The following FER1L6 variants were observed in gnomAD, a reference collection of about 807,000 sequenced individuals.
FER1L6 encodes the protein fer-1 like family member 6.
FER1L6 carries 177 observed loss-of-function variants against 219.2 expected under a neutral mutation model. The observed-to-expected ratio is 0.81, with a 90% CI of 0.71 to 0.91. The LOEUF is 0.91. Among genes scored for constraint, FER1L6 ranks in the 40% least tolerant of loss-of-function variants. The probability of loss-of-function intolerance (pLI) is 0.00; values close to 1 mark genes in which losing one functional copy is unlikely to be tolerated. For missense variants in FER1L6, 2,153 were observed against 2,259.9 expected (o/e 0.95, Z 0.96); for synonymous variants, 768 against 824.3 (o/e 0.93, Z 1.17).
chr8:123,957,667 G>C (rs1815081955), intron 2 of FER1L6, among the ~76,000 whole-genome samples: 1 of 152,116 alleles, frequency 6.6e-6, no homozygotes, highest in Non-Finnish European at 1.5e-5. Context: ...TCTTACATCA[G>C]AGCCTGGGTT....
At chr8:123,992,298 G>A (rs1370830627) in intron 12 of FER1L6, among the ~76,000 whole-genome samples, 1 of 152,002 alleles carries the variant, frequency 6.6e-6, no homozygotes, top group African/African-American at 2.4e-5. Flanking sequence ...ATGAATGTCT[G>A]GTAGAATTCA....
At chr8:124,080,238 A>C (rs1239232022) in intron 32 of FER1L6, among the ~76,000 whole-genome samples, 4 of 152,064 alleles carry the variant, frequency 2.6e-5, no homozygotes, top group African/African-American at 9.7e-5. Context: ...GCATCTAGGG[A>C]TAGTACCTCA....
intron 30 of FER1L6, among the ~76,000 whole-genome samples, chr8:124,071,242 G>A (rs12542273): frequency 0.26 from 39,105 of 152,112 alleles, 5,691 homozygotes; most frequent in Non-Finnish European, 0.32. Flanking sequence ...AAGGCACTTC[G>A]TGTCCCATCT....
intron 12 of FER1L6, among the ~76,000 whole-genome samples, chr8:124,000,011 C>G (rs550657101): frequency 1.3e-5 from 2 of 152,256 alleles, no homozygotes; most frequent in East Asian, 3.9e-4. Flanking sequence ...TATTTAGGAC[C>G]ACAGAGCACC....
Position 124,066,481 on chromosome 8 carries a change from A to C in FER1L6, c.3609A>C (p.Ala1203=), listed in dbSNP as rs1387283827. ...CTAAGAGGAGAAAGAGGACCATAGC[A>C]GATGAATCTGCTGAAAACGTGATTG... is the stretch of plus-strand genomic sequence containing the variant. ...RSTKRRKRTI[A]DESAENVIDW... Residue 1203 remains alanine (A), a synonymous_variant, in exon 27 of 41, where the codon GCA becomes GCC. Coordinates refer to ENST00000522917, the MANE Select transcript of FER1L6 (RefSeq NM_001039112.2). 1 of 1,614,138 alleles carries C rather than the reference A, an allele frequency of 6.2e-7. No individual in the cohort carries two copies. The highest frequency in any genetic ancestry group is 8.5e-7 in the Non-Finnish European group (1 of 1,179,976).
chr8:124,014,121 G>A (rs1232932465), intron 15 of FER1L6, among the ~76,000 whole-genome samples: 1 of 152,152 alleles, frequency 6.6e-6, no homozygotes, highest in Non-Finnish European at 1.5e-5. Context: ...AACGTGCACA[G>A]GGGAGAATCA....
chr8:123,926,855 A>G (rs1460254934), intron 1 of FER1L6, among the ~76,000 whole-genome samples: 1 of 152,200 alleles, frequency 6.6e-6, no homozygotes, highest in Admixed American at 6.5e-5. Flanking sequence ...ACTATGAAAT[A>G]TTATCTTAGA....
intron 1 of FER1L6, among the ~76,000 whole-genome samples, chr8:123,939,660 G>C (rs1415526329): frequency 6.6e-6 from 1 of 152,198 alleles, no homozygotes; most frequent in East Asian, 1.9e-4. Flanking sequence ...GAAGGGACTT[G>C]AGTTAGTTTG....
chr8:124,083,921 G>GT (rs1586311870), intron 33 of FER1L6, among the ~76,000 whole-genome samples: 2 of 152,054 alleles, frequency 1.3e-5, no homozygotes, highest in African/African-American at 2.4e-5. Context: ...TATGTCTGTG[G>GT]TTTTTTGTAT....
At position 124,013,500 on chromosome 8, in the gene FER1L6, ACAGTGCT is replaced by A. The variant is rs1563743582; in HGVS notation, c.1897_1903del (p.Leu633ThrfsTer20). 1 of 1,610,616 alleles carries A rather than the reference ACAGTGCT, an allele frequency of 6.2e-7. No individual in the cohort carries two copies. ...GGAGGCACCTGAAGAGAAAATGAAA[ACAGTGCT>A]CAGTGACTTCATCAGTCGGAGCAGG... On this transcript the variant is annotated frameshift_variant, in exon 15 of 41. Transcript: ENST00000522917. LOFTEE classifies it high-confidence loss of function.
intron 1 of FER1L6, among the ~76,000 whole-genome samples, chr8:123,897,141 A>G (rs1812760631): frequency 6.6e-6 from 1 of 152,110 alleles, no homozygotes; most frequent in Non-Finnish European, 1.5e-5. Flanking sequence ...CCCCTCCACA[A>G]CTGCCACTGC....
At chr8:124,021,903 C>T (rs897597048) in intron 17 of FER1L6, among the ~76,000 whole-genome samples, 20 of 152,004 alleles carry the variant, frequency 1.3e-4, no homozygotes, top group Admixed American at 6.6e-4. Context: ...AAGGCACATT[C>T]GCTAATGGGC....
chr8:124,067,846 GC>G (rs1820891475), intron 28 of FER1L6, 40 bp downstream of exon 28: 2 of 1,553,522 alleles, frequency 1.3e-6, no homozygotes, highest in Non-Finnish European at 1.8e-6. Flanking sequence ...ATAGAATAGG[GC>G]CATCGTTACG....
At chr8:123,953,748 G>A (rs986016082) in intron 1 of FER1L6, among the ~76,000 whole-genome samples, 4 of 152,158 alleles carry the variant, frequency 2.6e-5, no homozygotes, top group African/African-American at 9.7e-5. Context: ...AGCCTCCAGA[G>A]CCCAATGGCC....
intron 5 of FER1L6, among the ~76,000 whole-genome samples, chr8:123,969,419 C>G (rs2130245483): frequency 6.6e-6 from 1 of 151,896 alleles, no homozygotes; most frequent in South Asian, 2.1e-4. Context: ...ACCATTTTCA[C>G]TCATAATTAT....
In FER1L6 at chr8:124,049,817, A is replaced by G. The variant is rs1264357788; in HGVS notation, c.2874+61A>G. ...TCTACCTGGCCAGAGAAGTGGCCTC[A>G]CCACAAATGCCACTTCAATGAAGCT... On this transcript the variant is annotated intron_variant, in intron 22 of 40. Coordinates refer to ENST00000522917, the MANE Select transcript of FER1L6 (RefSeq NM_001039112.2). 5 of 1,524,698 alleles carry G rather than the reference A, an allele frequency of 3.3e-6. No individual in the cohort carries two copies. In the East Asian group the frequency reaches 1.1e-4, roughly 34 times the overall value. The allele number at this position is 1,524,698 out of a possible 1,614,324, so 94.4% of individuals were successfully genotyped here. A position where few individuals can be genotyped will look rare whatever the true frequency, so the allele number is the denominator to read the frequency against.
rs561653913 is a variant in FER1L6 at position 123,897,851 on chromosome 8, T to A, written c.-8+45666T>A. The stretch of plus-strand genomic sequence containing the variant: ...TTGGCAAAGTTTGCCTGTAAAAGCA[T>A]CAGAAAATCAATATGTTAGGCTTTA... On this transcript the variant is annotated intron_variant, in intron 1 of 40. Coordinates refer to ENST00000522917, the MANE Select transcript of FER1L6 (RefSeq NM_001039112.2). Among the ~76,000 whole-genome samples the A allele has an allele frequency of 7.2e-5, 11 of 152,290 alleles. 1 individual carries two copies. The highest frequency in any genetic ancestry group is 2.6e-4 in the African/African-American group (11 of 41,556).
rs905352745 is a variant in FER1L6 at position 124,066,653 on chromosome 8, C to A, written c.3678+103C>A. On this transcript the variant is annotated intron_variant, in intron 27 of 40. Coordinates refer to ENST00000522917, the MANE Select transcript of FER1L6 (RefSeq NM_001039112.2). ...TAACCTCCTTTTAAATGCCACTATA[C>A]ATAGACCCTACTCAGGTGTGGTTCT... The A allele has an allele frequency of 7.1e-6, 9 of 1,271,662 alleles. No individual in the cohort carries two copies. In the African/African-American group the frequency reaches 1.3e-4, roughly 19 times the overall value. The allele number at this position is 1,271,662 out of a possible 1,614,324, so 78.8% of individuals were successfully genotyped here.
At chr8:123,903,330 A>G (rs1264663048) in intron 1 of FER1L6, among the ~76,000 whole-genome samples, 1 of 152,250 alleles carries the variant, frequency 6.6e-6, no homozygotes. Flanking sequence ...TACAAAATAT[A>G]GTAATTCTCA....
Sources: gnomAD v4.1 joint callset for allele counts (sites outside exome capture counted in the v4.1 genomes callset) on GRCh38, gnomAD v4.1.1 for gene constraint, MANE v1.5 for transcripts, NCBI Gene and HGNC (gene_info 2026-07-23, HGNC 2026-07-21) for gene names.